KANK1: variants seen among roughly 807,000 people sequenced by gnomAD.
KANK1 encodes the protein KN motif and ankyrin repeat domain-containing protein 1.
In KANK1, 109 loss-of-function variants were observed where a neutral mutation model predicts 106.2. That is an observed-to-expected ratio of 1.03 (90% CI 0.88 to 1.20). The LOEUF (loss-of-function observed/expected upper bound fraction) is 1.20, where lower values mean the gene tolerates loss of function less well. KANK1 is among the 50% of genes most tolerant of loss of function. KANK1 has a pLI of 0.00. For missense variants in KANK1, 2,399 were observed against 1,710.7 expected, an observed-to-expected ratio of 1.40 and a Z score of -7.10; for synonymous variants, 873 against 652.2, an observed-to-expected ratio of 1.34 and a Z score of -5.16.
At chr9:630,330 C>G (rs929746598) in intron 1 of KANK1, among the ~76,000 whole-genome samples, 3 of 151,190 alleles carry the variant, frequency 2.0e-5, no homozygotes, top group Non-Finnish European at 4.4e-5. Context: ...TGAGGCGGAT[C>G]ATGAGGTTAA....
chr9:663,019 A>T (rs1219132013), intron 1 of KANK1, among the ~76,000 whole-genome samples: 2 of 152,180 alleles, frequency 1.3e-5, no homozygotes, highest in African/African-American at 4.8e-5. Context: ...AGGATGTGTT[A>T]CATGTCCCCC....
intron 1 of KANK1, among the ~76,000 whole-genome samples, chr9:548,271 C>G (rs928378795): frequency 2.6e-5 from 4 of 152,156 alleles, no homozygotes; most frequent in African/African-American, 9.7e-5. Context: ...AAAGATTTTT[C>G]TCACTTCAAA....
intron 1 of KANK1, among the ~76,000 whole-genome samples, chr9:607,874 CCTT>C (rs1332802771): frequency 6.6e-6 from 1 of 151,548 alleles, no homozygotes; most frequent in Non-Finnish European, 1.5e-5. Context: ...TTAGCAACCT[CCTT>C]TCATGTTCTT....
chr9:569,776 T>G (rs1355671165), intron 1 of KANK1, among the ~76,000 whole-genome samples: 1 of 152,194 alleles, frequency 6.6e-6, no homozygotes, highest in Non-Finnish European at 1.5e-5. Flanking sequence ...TTTCTATTAA[T>G]GCATTCATTA....
chr9:714,381 A>G (rs1334824574), intron 3 of KANK1, among the ~76,000 whole-genome samples: 1 of 38,090 alleles, frequency 2.6e-5, no homozygotes, highest in African/African-American at 1.3e-4. Flanking sequence ...TTTTTTTTTG[A>G]GACAGAGTCG....
intron 2 of KANK1, among the ~76,000 whole-genome samples, chr9:699,463 A>T (rs1822121155): frequency 6.6e-6 from 1 of 152,180 alleles, no homozygotes; most frequent in South Asian, 2.1e-4. Flanking sequence ...AAGGGTAGTG[A>T]TGGGAGACAG....
At chr9:506,037 A>C (rs983172462) in intron 1 of KANK1, among the ~76,000 whole-genome samples, 11 of 152,122 alleles carry the variant, frequency 7.2e-5, no homozygotes, top group Admixed American at 3.3e-4. Context: ...TAAACATATA[A>C]ATTTACTCTT....
At chr9:631,928 C>G (rs554961208) in intron 1 of KANK1, among the ~76,000 whole-genome samples, 5 of 152,270 alleles carry the variant, frequency 3.3e-5, no homozygotes, top group East Asian at 3.9e-4. Context: ...CTCTATAGCT[C>G]TCAGCTCACA....
At chr9:558,429 G>C (rs1412243565) in intron 1 of KANK1, among the ~76,000 whole-genome samples, 1 of 152,202 alleles carries the variant, frequency 6.6e-6, no homozygotes, top group African/African-American at 2.4e-5. Flanking sequence ...GATTTTGTCA[G>C]CTGTCAACCG....
intron 2 of KANK1, among the ~76,000 whole-genome samples, chr9:472,020 G>T (rs1350199478): frequency 1.3e-5 from 2 of 152,108 alleles, no homozygotes; most frequent in Admixed American, 1.3e-4. Flanking sequence ...TTATGTGACT[G>T]ACAAAAAAGA....
At position 738,488 on chromosome 9, in the gene KANK1, G is replaced by A; in HGVS notation, c.3537G>A (p.Lys1179=). The A allele has an allele frequency of 1.9e-6, 3 of 1,614,000 alleles. No individual in the cohort carries two copies. Among genetic ancestry groups the A allele is most frequent in the East Asian group, 2.2e-5 (1 of 44,886 alleles). The change falls in exon 8 of 12, where the codon AAG becomes AAA. Residue 1179 remains lysine, a synonymous_variant. Coordinates refer to ENST00000382297, the MANE Select transcript of KANK1 (RefSeq NM_015158.5). ...SVSHSNFEIV[K]LLLDADVCNV... ...CCCACTCCAACTTCGAGATTGTGAAGCTGCTGTTAGATGCCGGTATGTTGG... is the reference window on the plus strand; with the variant it reads ...CCCACTCCAACTTCGAGATTGTGAAACTGCTGTTAGATGCCGGTATGTTGG...
chr9:529,650 T>A (rs2059971735), intron 1 of KANK1, among the ~76,000 whole-genome samples: 1 of 152,242 alleles, frequency 6.6e-6, no homozygotes, highest in South Asian at 2.1e-4. Context: ...GGTTTCTTTT[T>A]AAAATCATTT....
intron 7 of KANK1, among the ~76,000 whole-genome samples, chr9:735,303 C>T (rs973600657): frequency 1.3e-5 from 2 of 152,082 alleles, no homozygotes; most frequent in African/African-American, 4.8e-5. Context: ...GGAATGCAGG[C>T]GGCCACTATT....
chr9:726,529 C>A (rs916358076), intron 3 of KANK1, among the ~76,000 whole-genome samples: 7 of 151,916 alleles, frequency 4.6e-5, no homozygotes, highest in African/African-American at 1.7e-4. Context: ...GCCCCAGCTA[C>A]TCGGGAGGCT....
chr9:740,627 G>C (rs111899433), intron 8 of KANK1, among the ~76,000 whole-genome samples, 165 bp from the exon 9 acceptor site: 162 of 152,312 alleles, frequency 1.1e-3, no homozygotes, highest in African/African-American at 3.7e-3. Flanking sequence ...TTTTGGTTTA[G>C]TATGAAAACA....
intron 1 of KANK1, among the ~76,000 whole-genome samples, chr9:659,643 T>A (rs1248442615): frequency 4.6e-5 from 7 of 151,766 alleles, no homozygotes; most frequent in African/African-American, 1.7e-4. Flanking sequence ...AAACTTACAG[T>A]CATGGTGGAT....
At chr9:716,891 T>C (rs1827853932) in intron 3 of KANK1, among the ~76,000 whole-genome samples, 1 of 152,004 alleles carries the variant, frequency 6.6e-6, no homozygotes, top group Non-Finnish European at 1.5e-5. Flanking sequence ...GGTAGGATGA[T>C]CTCTTGAGCC....
At chr9:669,174 G>A (rs1028094613) in intron 1 of KANK1, among the ~76,000 whole-genome samples, 1 of 152,190 alleles carries the variant, frequency 6.6e-6, no homozygotes, top group African/African-American at 2.4e-5. Context: ...GATTGCTGTA[G>A]CTGTTAGGGT....
At chr9:630,151 G>A (rs1479802708) in intron 1 of KANK1, among the ~76,000 whole-genome samples, 3 of 152,092 alleles carry the variant, frequency 2.0e-5, no homozygotes, top group African/African-American at 7.3e-5. Flanking sequence ...AGGAGGCATA[G>A]GTGGGAGGAC....
Sources: gnomAD v4.1 joint callset for allele counts (sites outside exome capture counted in the v4.1 genomes callset) on GRCh38, gnomAD v4.1.1 for gene constraint, MANE v1.5 for transcripts, NCBI Gene and HGNC (gene_info 2026-07-23, HGNC 2026-07-21) for gene names.